VPS13D: variants seen among roughly 807,000 people sequenced by gnomAD.
VPS13D encodes intermembrane lipid transfer protein VPS13D.
A neutral mutation model predicts 461.9 loss-of-function variants in VPS13D; 187 were observed. That is an observed-to-expected ratio of 0.40 (90% confidence interval 0.36 to 0.46). VPS13D has a LOEUF of 0.46. VPS13D is among the 20% of genes least tolerant of loss of function. The pLI is 0.60. For synonymous variants in VPS13D, 1,951 were observed against 1,986.3 expected (o/e 0.98, Z 0.47); for missense variants, 4,711 against 5,364.9 (o/e 0.88, Z 3.81).
chr1:12,491,614 A>G (rs954824056), intron 67 of VPS13D, among the ~76,000 whole-genome samples: 4 of 152,148 alleles, frequency 2.6e-5, no homozygotes, highest in South Asian at 2.1e-4. Context: ...CCTCCGGTGT[A>G]TATCAGATAG....
At chr1:12,356,775 C>G (rs1643889472) in intron 49 of VPS13D, among the ~76,000 whole-genome samples, 1 of 152,136 alleles carries the variant, frequency 6.6e-6, no homozygotes, top group African/African-American at 2.4e-5. Flanking sequence ...AGTAGTTTTC[C>G]TATTCATAAC....
chr1:12,315,593 A>G (rs964510398), intron 30 of VPS13D, among the ~76,000 whole-genome samples: 2 of 152,006 alleles, frequency 1.3e-5, no homozygotes, highest in Admixed American at 6.6e-5. Context: ...GGGTTAGTTC[A>G]CTCTTCTAAG....
chr1:12,313,999 C>A, intron 29 of VPS13D, 116 bp from the exon 30 acceptor site: 1 of 817,298 alleles, frequency 1.2e-6, no homozygotes, highest in Non-Finnish European at 1.9e-6. Flanking sequence ...GAAAGTTATT[C>A]TCCTTATGGG....
At chr1:12,406,819 G>C (rs575978338) in intron 63 of VPS13D, among the ~76,000 whole-genome samples, 186 of 152,232 alleles carry the variant, frequency 1.2e-3, no homozygotes, top group South Asian at 2.3e-3. Flanking sequence ...GCCTTTAAAC[G>C]GTTTCATGAG....
At chr1:12,329,606 A>T (rs573750088) in intron 36 of VPS13D, among the ~76,000 whole-genome samples, 14 of 152,364 alleles carry the variant, frequency 9.2e-5, no homozygotes, top group African/African-American at 3.4e-4. Context: ...CCTCAGGCAC[A>T]GAGTTTAAGA....
intron 67 of VPS13D, among the ~76,000 whole-genome samples, chr1:12,461,396 C>T (rs911992943): frequency 1.3e-5 from 2 of 152,124 alleles, no homozygotes; most frequent in Non-Finnish European, 2.9e-5. Flanking sequence ...GGAAATGCTC[C>T]GATTGTGGAC....
intron 65 of VPS13D, among the ~76,000 whole-genome samples, chr1:12,443,456 C>A (rs1645153929): frequency 6.6e-6 from 1 of 152,202 alleles, no homozygotes; most frequent in African/African-American, 2.4e-5. Context: ...ATGTTTCCTG[C>A]AACACATATA....
intron 65 of VPS13D, among the ~76,000 whole-genome samples, chr1:12,449,088 TG>T (rs1645229261): frequency 6.6e-6 from 1 of 151,752 alleles, no homozygotes; most frequent in African/African-American, 2.4e-5. Context: ...AATAGCAACA[TG>T]GTGTGCATCT....
chr1:12,455,898 T>C (rs1645320148), intron 65 of VPS13D, 100 bp from the exon 66 acceptor site: 2 of 1,403,052 alleles, frequency 1.4e-6, no homozygotes, highest in Non-Finnish European at 1.9e-6. Flanking sequence ...CAGCATGGGC[T>C]TATCTAATTG....
At chr1:12,333,392 A>T in intron 38 of VPS13D, 26 bp downstream of exon 38, 1 of 1,612,026 alleles carries the variant, frequency 6.2e-7, no homozygotes, top group Non-Finnish European at 8.5e-7. Context: ...TCTTTCATAG[A>T]CTGATACCTT....
In VPS13D at chr1:12,268,754, C is replaced by T. The variant is rs146508788; in HGVS notation, c.1850C>T (p.Pro617Leu). The change falls in exon 16 of 70, where the codon CCG becomes CTG. Residue 617 changes from proline to leucine, a missense_variant. Pro to Leu is a moderately conservative substitution (Grantham distance 98). This residue lies in a region of VPS13D where 4,411 missense variants were observed against 4,937.8 expected (regional missense o/e 0.89). Coordinates refer to ENST00000620676, the MANE Select transcript of VPS13D (RefSeq NM_015378.4). The stretch of plus-strand genomic sequence containing the variant: ...TTTGAGATGCTGTATGAGAGAAATC[C>T]GGCGCACAGCCACTTTGAGAGGCGG... ...PVFEMLYERN[P>L]AHSHFERRLN... is the part of the protein sequence containing the mutation. 3.3e-4 allele frequency: 538 copies of T among 1,613,996 alleles called. 1 individual carries two copies. The highest frequency in any genetic ancestry group is 4.3e-4 in the Non-Finnish European group (502 of 1,179,986).
At chr1:12,409,229 A>G (rs970819320) in intron 63 of VPS13D, among the ~76,000 whole-genome samples, 10 of 152,186 alleles carry the variant, frequency 6.6e-5, no homozygotes, top group African/African-American at 2.2e-4. Flanking sequence ...AACTGTAGAA[A>G]TGATCCCTGA....
At chr1:12,499,460 T>C in intron 68 of VPS13D, 2 of 985,372 alleles carry the variant, frequency 2.0e-6, no homozygotes, top group Non-Finnish European at 2.4e-6. Flanking sequence ...CTCTGGTCAC[T>C]GTGAAATTTG....
intron 67 of VPS13D, among the ~76,000 whole-genome samples, chr1:12,476,529 G>A (rs1209132921): frequency 6.6e-6 from 1 of 152,202 alleles, no homozygotes; most frequent in Non-Finnish European, 1.5e-5. Context: ...TTTGTAGATT[G>A]TCCTGGGAGA....
intron 31 of VPS13D, 85 bp downstream of exon 31, chr1:12,318,422 C>T (rs1642946713): frequency 6.7e-7 from 1 of 1,503,696 alleles, no homozygotes. Context: ...GCTCTTTTGC[C>T]TCCCATTTTT....
chr1:12,235,672 G>A (rs1640126059), intron 2 of VPS13D, among the ~76,000 whole-genome samples: 1 of 152,162 alleles, frequency 6.6e-6, no homozygotes, highest in African/African-American at 2.4e-5. Flanking sequence ...TCATGGTCAC[G>A]CCTCCCCACT....
rs1299782048 is a variant in VPS13D at position 12,308,511 on chromosome 1, G to T, written c.6520G>T (p.Glu2174Ter). 1 of 1,614,006 alleles carries T rather than the reference G, an allele frequency of 6.2e-7. No homozygotes were observed. Among genetic ancestry groups the T allele is most frequent in the African/African-American group, 1.3e-5 (1 of 74,896 alleles). The change falls in exon 27 of 70, where the codon GAA becomes TAA. Residue 2174 changes from glutamate (E) to a stop codon, truncating the protein, a stop_gained. Coordinates refer to ENST00000620676, the MANE Select transcript of VPS13D (RefSeq NM_015378.4). LOFTEE classifies it high-confidence loss of function. ...CTTTGCTGCAGAGAGACATCCGAGA[G>T]AATACTCGAAGGCACCAGAGGATAG... ...DIFAAERHPR[E>*]YSKAPEDSSG...
chr1:12,288,175 C>A (rs1012830588), intron 21 of VPS13D, 48 bp from the exon 22 acceptor site: 1 of 1,502,858 alleles, frequency 6.7e-7, no homozygotes, highest in South Asian at 1.2e-5. Flanking sequence ...TGAAAGATAC[C>A]TTTTCTCCCC....
intron 37 of VPS13D, among the ~76,000 whole-genome samples, chr1:12,331,711 T>TAAAAAA (rs757913489): frequency 1.9e-5 from 2 of 106,172 alleles, no homozygotes; most frequent in African/African-American, 3.6e-5. Context: ...GACTCTGTCT[T>TAAAAAA]AAAAAAAAAA....
Sources: allele counts gnomAD v4.1 joint callset (sites outside exome capture counted in the v4.1 genomes callset), GRCh38; gene constraint gnomAD v4.1.1; regional missense constraint gnomAD v4.1.1; transcripts MANE v1.5; gene names NCBI Gene and HGNC (gene_info 2026-07-23, HGNC 2026-07-21).